EMC2: variants seen among roughly 807,000 people sequenced by gnomAD.
EMC2 encodes ER membrane protein complex subunit 2, also known as TPR repeat protein 35.
Under a neutral mutation model 51.6 loss-of-function variants are expected in EMC2, and 37 were observed. The ratio of observed to expected loss-of-function variants is 0.72; its 90% CI spans 0.55 to 0.94. The LOEUF (loss-of-function observed/expected upper bound fraction) is 0.94, where lower values mean the gene tolerates loss of function less well. Among genes scored for constraint, EMC2 ranks in the 40% least tolerant of loss-of-function variants. The pLI is 0.00. For synonymous variants in EMC2, 131 were observed against 112.4 expected, an observed-to-expected ratio of 1.17 and a Z score of -1.04; for missense variants, 359 against 350.9, an observed-to-expected ratio of 1.02 and a Z score of -0.18.
intron 1 of EMC2, among the ~76,000 whole-genome samples, chr8:108,445,329 C>G (rs1197129260): frequency 2.0e-5 from 3 of 152,144 alleles, no homozygotes; most frequent in African/African-American, 4.8e-5. Context: ...TGGCGGTTGC[C>G]CATGTCTCCA....
At chr8:108,483,682 G>C (rs950764871) in intron 10 of EMC2, among the ~76,000 whole-genome samples, 2 of 152,138 alleles carry the variant, frequency 1.3e-5, no homozygotes, top group Admixed American at 1.3e-4. Context: ...AATTTGATAA[G>C]CAAGTTTTTA....
chr8:108,474,902 A>G (rs947901729), intron 7 of EMC2: 2 of 88,904 alleles, frequency 2.2e-5, no homozygotes, highest in Non-Finnish European at 5.3e-5. Context: ...TACATGTAAC[A>G]CATTTAGAAC....
At chr8:108,453,333 CT>C (rs1819075298) in intron 4 of EMC2, among the ~76,000 whole-genome samples, 186 bp downstream of exon 4, 1 of 151,952 alleles carries the variant, frequency 6.6e-6, no homozygotes, top group South Asian at 2.1e-4. Context: ...CAAATAACTT[CT>C]TTTTGAAGTA....
chr8:108,462,222 T>TGTGTGTGTGTGTGTGTGCGC lies in EMC2; in HGVS notation c.363+6300_363+6301insGTGTGTGTGCGCGTGTGTGT, dbSNP rs71303986. 5.0e-4 allele frequency among the ~76,000 whole-genome samples: 76 copies of TGTGTGTGTGTGTGTGTGCGC among 151,674 alleles called. No homozygotes were observed. The East Asian group carries it at 7.8e-3, about 15-fold the overall frequency. ...TGCATGTGTGTGTGTTTTGTGTGCGTGTGTGTGTATTCCTCTGACAGGGAG... is the reference window on the plus strand; with the variant it reads ...TGCATGTGTGTGTGTTTTGTGTGCGTGTGTGTGTGTGTGTGTGCGCGTGTGTGTATTCCTCTGACAGGGAG... On this transcript the variant is annotated intron_variant, in intron 5 of 10. Coordinates refer to ENST00000220853, the MANE Select transcript of EMC2 (RefSeq NM_014673.5).
rs778481680 is a variant in EMC2, at chr8:108,470,037, CT to C, written c.450-17del. 121 of 1,604,060 alleles carry C rather than the reference CT, an allele frequency of 7.5e-5. 1 individual carries two copies. In the South Asian group the frequency reaches 1.2e-3, roughly 16 times the overall value. ...CATTTACAGAATATCTACACACTTA[CT>C]TTTTTTTCTTTTCCTCTCACCAGAT... On this transcript the variant is annotated intron_variant, in intron 6 of 10. Coordinates refer to ENST00000220853, the MANE Select transcript of EMC2 (RefSeq NM_014673.5).
intron 10 of EMC2, among the ~76,000 whole-genome samples, chr8:108,482,828 C>A (rs189917679): frequency 2.0e-5 from 3 of 152,104 alleles, no homozygotes; most frequent in Non-Finnish European, 4.4e-5. Context: ...AAGTAATCCT[C>A]CTGTCTCAGC....
chr8:108,448,804 A>C (rs1429210400), intron 1 of EMC2, among the ~76,000 whole-genome samples: 1 of 151,678 alleles, frequency 6.6e-6, no homozygotes, highest in Non-Finnish European at 1.5e-5. Flanking sequence ...TTTCAAATTT[A>C]TTTATTTTTA....
intron 7 of EMC2, among the ~76,000 whole-genome samples, chr8:108,471,908 T>C (rs1395568403): frequency 2.0e-5 from 3 of 152,000 alleles, no homozygotes; most frequent in African/African-American, 7.2e-5. Context: ...CAGCATTTAC[T>C]AGAGTCCCTC....
chr8:108,448,398 C>T (rs1378260594), intron 1 of EMC2, among the ~76,000 whole-genome samples: 1 of 152,106 alleles, frequency 6.6e-6, no homozygotes, highest in African/African-American at 2.4e-5. Context: ...CAAATCTCAT[C>T]TTGTAGCACC....
intron 4 of EMC2, among the ~76,000 whole-genome samples, chr8:108,454,207 A>T (rs1203857409): frequency 6.6e-6 from 1 of 152,104 alleles, no homozygotes; most frequent in Non-Finnish European, 1.5e-5. Flanking sequence ...ATTTACATTT[A>T]AAGTGATGAT....
At position 108,446,440 on chromosome 8, in the gene EMC2, G is replaced by A. The variant is rs372528162; in HGVS notation, c.40+2742G>A. 3.7e-5 allele frequency: 9 copies of A among 240,116 alleles called. No homozygotes were observed. In the East Asian group the frequency reaches 4.1e-4, roughly 11 times the overall value. 14.9% of individuals were successfully genotyped at this position (240,116 alleles called of 1,614,324 possible). A position where few individuals can be genotyped will look rare whatever the true frequency, so the allele number is the denominator to read the frequency against. ...CCTAGCAATTTTAGCATGGGGTGAT[G>A]AAAGCCTGGGCATGGATAATAGCAG... On this transcript the variant is annotated intron_variant, in intron 1 of 10. Transcript: ENST00000220853.
At chr8:108,466,635 G>A (rs1019439898) in intron 5 of EMC2, among the ~76,000 whole-genome samples, 12 of 151,560 alleles carry the variant, frequency 7.9e-5, no homozygotes, top group Non-Finnish European at 1.3e-4. Flanking sequence ...AAAATTTTTC[G>A]TAGAGATAAC....
intron 7 of EMC2, among the ~76,000 whole-genome samples, chr8:108,472,348 A>T (rs957829952): frequency 3.3e-5 from 5 of 151,882 alleles, no homozygotes; most frequent in Non-Finnish European, 7.4e-5. Context: ...TAAAGAGTTT[A>T]TTGAAACAGA....
At chr8:108,486,367 T>TA in intron 10 of EMC2, 145 bp from the exon 11 acceptor site, 1 of 1,227,180 alleles carries the variant, frequency 8.1e-7, no homozygotes. Context: ...ATTTTATTCT[T>TA]ATTGAAAAAG....
At chr8:108,451,202 CA>C (rs1045374921) in intron 3 of EMC2, among the ~76,000 whole-genome samples, 135 of 81,188 alleles carry the variant, frequency 1.7e-3, no homozygotes, top group Admixed American at 1.6e-3. Context: ...GACTCTGTCT[CA>C]AAAAAAAAAA....
At chr8:108,485,421 A>T (rs898105637) in intron 10 of EMC2, among the ~76,000 whole-genome samples, 11 of 145,882 alleles carry the variant, frequency 7.5e-5, no homozygotes, top group Non-Finnish European at 1.7e-4. Flanking sequence ...TATATATATA[A>T]AATATATACA....
At chr8:108,445,256 A>G (rs1446133207) in intron 1 of EMC2, among the ~76,000 whole-genome samples, 2 of 152,230 alleles carry the variant, frequency 1.3e-5, no homozygotes, top group Non-Finnish European at 1.5e-5. Context: ...GTTAAGTACT[A>G]TATAAAAGGA....
intron 5 of EMC2, among the ~76,000 whole-genome samples, chr8:108,461,938 A>G (rs985741816): frequency 1.3e-4 from 20 of 151,918 alleles, no homozygotes; most frequent in African/African-American, 4.8e-4. Context: ...CCTCCCGGGT[A>G]GCTGGGACTA....
intron 5 of EMC2, among the ~76,000 whole-genome samples, chr8:108,456,983 G>C (rs1007487712): frequency 2.0e-5 from 3 of 151,962 alleles, no homozygotes; most frequent in Non-Finnish European, 4.4e-5. Context: ...TCTCTTATTT[G>C]GCAAGTATTT....
Sources: gnomAD v4.1 joint callset for allele counts (sites outside exome capture counted in the v4.1 genomes callset) on GRCh38, gnomAD v4.1.1 for gene constraint, MANE v1.5 for transcripts, NCBI Gene and HGNC (gene_info 2026-07-23, HGNC 2026-07-21) for gene names.